The following GALNTL5 variants were observed in gnomAD, a reference collection of about 807,000 sequenced individuals.
GALNTL5 encodes the protein polypeptide N-acetylgalactosaminyltransferase like 5.
GALNTL5 carries 44 observed loss-of-function variants against 51.0 expected under a neutral mutation model. That is an observed-to-expected ratio of 0.86 (90% CI 0.68 to 1.11). The LOEUF is 1.11. Ranked by LOEUF, GALNTL5 falls within the 50% of genes least tolerant of loss-of-function variation. GALNTL5 has a pLI of 0.00. For missense variants in GALNTL5, 528 were observed against 531.8 expected, an observed-to-expected ratio of 0.99 and a Z score of 0.07; for synonymous variants, 192 against 182.8, an observed-to-expected ratio of 1.05 and a Z score of -0.41.
At chr7:151,972,577 C>A (rs1467522791) in intron 3 of GALNTL5, among the ~76,000 whole-genome samples, 3 of 152,170 alleles carry the variant, frequency 2.0e-5, no homozygotes, top group Non-Finnish European at 4.4e-5. Context: ...GGCCCAGGGC[C>A]CTGCTGTTCT....
At position 151,964,269 on chromosome 7, in the gene GALNTL5, G is replaced by A. The variant is rs112026964; in HGVS notation, c.-39-2939G>A. Among the ~76,000 whole-genome samples the A allele has an allele frequency of 2.6e-3, 401 of 152,266 alleles. 1 individual carries two copies. Among genetic ancestry groups the A allele is most frequent in the African/African-American group, 9.3e-3 (386 of 41,542 alleles). ...AAAAGCTCTGTCTCCAAATGCAGTCGCACTGGGGCTTGGTGCTTCCACATG... is the reference window on the plus strand; with the variant it reads ...AAAAGCTCTGTCTCCAAATGCAGTCACACTGGGGCTTGGTGCTTCCACATG... On this transcript the variant is annotated intron_variant, in intron 1 of 8. Transcript: ENST00000392800.
At chr7:151,987,357 G>C in intron 5 of GALNTL5, 76 bp downstream of exon 5, 1 of 1,304,738 alleles carries the variant, frequency 7.7e-7, no homozygotes, top group Non-Finnish European at 1.0e-6. Context: ...CTCCTCTGCA[G>C]GGAGACCTTC....
chr7:151,971,385 T>C (rs1035692162), intron 3 of GALNTL5, among the ~76,000 whole-genome samples: 2 of 152,226 alleles, frequency 1.3e-5, no homozygotes, highest in African/African-American at 2.4e-5. Flanking sequence ...TCATTCCTGA[T>C]AGAAAATGCT....
At chr7:151,973,812 T>C (rs2081176456) in intron 3 of GALNTL5, among the ~76,000 whole-genome samples, 1 of 152,012 alleles carries the variant, frequency 6.6e-6, no homozygotes, top group Admixed American at 6.6e-5. Flanking sequence ...TTTGGCTGTG[T>C]GTCCCCACCC....
chr7:151,959,899 T>C (rs948211653), intron 1 of GALNTL5, among the ~76,000 whole-genome samples: 11 of 152,136 alleles, frequency 7.2e-5, no homozygotes, highest in Non-Finnish European at 1.5e-4. Flanking sequence ...CCTGTGGACC[T>C]GGGCCTTCCA....
chr7:151,999,729 T>C (rs2081547391), intron 5 of GALNTL5, among the ~76,000 whole-genome samples: 1 of 152,172 alleles, frequency 6.6e-6, no homozygotes, highest in South Asian at 2.1e-4. Flanking sequence ...TTACGTAATA[T>C]TATAGAAGCT....
intron 7 of GALNTL5, among the ~76,000 whole-genome samples, chr7:152,009,538 A>G (rs758711291): frequency 1.7e-4 from 26 of 152,144 alleles, no homozygotes; most frequent in Admixed American, 8.5e-4. Flanking sequence ...CAAGGTTTCC[A>G]TCCTTGTCAG....
intron 1 of GALNTL5, among the ~76,000 whole-genome samples, chr7:151,961,783 T>C (rs2080994996): frequency 6.6e-6 from 1 of 152,228 alleles, no homozygotes; most frequent in Non-Finnish European, 1.5e-5. Context: ...TGTTTACCAG[T>C]ATCCATGCTG....
At chr7:151,998,166 ACCACT>A (rs1446889880) in intron 5 of GALNTL5, among the ~76,000 whole-genome samples, 4 of 152,192 alleles carry the variant, frequency 2.6e-5, no homozygotes, top group Non-Finnish European at 5.9e-5. Flanking sequence ...CTATAATAGC[ACCACT>A]CCACTCCAGC....
intron 5 of GALNTL5, among the ~76,000 whole-genome samples, chr7:151,999,837 G>C (rs997630170): frequency 6.6e-6 from 1 of 152,184 alleles, no homozygotes; most frequent in Non-Finnish European, 1.5e-5. Context: ...GCTCAGTTTT[G>C]GTTGAGGCAT....
At chr7:151,992,924 C>G (rs1054113227) in intron 5 of GALNTL5, among the ~76,000 whole-genome samples, 1 of 152,096 alleles carries the variant, frequency 6.6e-6, no homozygotes, top group South Asian at 2.1e-4. Context: ...CCCACGCACA[C>G]GCATCGCATC....
chr7:152,001,813 G>A (rs931607407), intron 5 of GALNTL5, among the ~76,000 whole-genome samples: 2 of 152,118 alleles, frequency 1.3e-5, no homozygotes, highest in Admixed American at 6.5e-5. Context: ...TAGTATGGGG[G>A]TTATTGCCAT....
Position 151,980,951 on chromosome 7 carries a change from T to C in GALNTL5, c.369-2035T>C, listed in dbSNP as rs559056851. Among the ~76,000 whole-genome samples the C allele has an allele frequency of 8.6e-5, 13 of 151,952 alleles. 1 individual carries two copies. In the South Asian group the frequency reaches 2.7e-3, roughly 31 times the overall value. On this transcript the variant is annotated intron_variant, in intron 3 of 8. Transcript: ENST00000392800. The stretch of plus-strand genomic sequence containing the variant: ...TAGTAGAGACGGGGTTTCACCGTGT[T>C]AGCCAGGATGGTCTCGATCTCCTGA...
intron 8 of GALNTL5, among the ~76,000 whole-genome samples, chr7:152,015,522 G>T (rs1237798132): frequency 6.6e-6 from 1 of 152,030 alleles, no homozygotes; most frequent in Non-Finnish European, 1.5e-5. Flanking sequence ...ATCAGGCCTG[G>T]CTAATTTTTG....
intron 1 of GALNTL5, among the ~76,000 whole-genome samples, chr7:151,959,818 C>T (rs2080970289): frequency 6.6e-6 from 1 of 152,152 alleles, no homozygotes; most frequent in Admixed American, 6.5e-5. Flanking sequence ...GCACGTGTTG[C>T]CTTGCAAAGC....
chr7:152,017,380 C>G (rs2081832882), intron 8 of GALNTL5, among the ~76,000 whole-genome samples: 1 of 152,148 alleles, frequency 6.6e-6, no homozygotes, highest in African/African-American at 2.4e-5. Context: ...TATGGGACTA[C>G]CATTATGTAC....
intron 1 of GALNTL5, among the ~76,000 whole-genome samples, chr7:151,965,633 C>G (rs902188213): frequency 6.6e-6 from 1 of 152,142 alleles, no homozygotes; most frequent in Non-Finnish European, 1.5e-5. Flanking sequence ...AATCCCAACA[C>G]TTTGTGAGGC....
chr7:151,964,985 C>T (rs1271234425), intron 1 of GALNTL5, among the ~76,000 whole-genome samples: 1 of 152,214 alleles, frequency 6.6e-6, no homozygotes, highest in Admixed American at 6.5e-5. Flanking sequence ...CTAAGTGACA[C>T]TCTTGGTTTT....
chr7:151,988,345 G>C (rs893183609), intron 5 of GALNTL5, among the ~76,000 whole-genome samples: 1 of 152,166 alleles, frequency 6.6e-6, no homozygotes, highest in Non-Finnish European at 1.5e-5. Context: ...GCCTCCTGCC[G>C]CATGTAGGGG....
Sources: gnomAD v4.1 joint callset for allele counts (sites outside exome capture counted in the v4.1 genomes callset) on GRCh38, gnomAD v4.1.1 for gene constraint, MANE v1.5 for transcripts, NCBI Gene and HGNC (gene_info 2026-07-23, HGNC 2026-07-21) for gene names.